Variants in RERE observed in about 807,000 individuals in gnomAD.
RERE encodes arginine-glutamic acid dipeptide repeats protein.
Under a neutral mutation model 146.1 loss-of-function variants are expected in RERE, and 40 were observed. The ratio of observed to expected loss-of-function variants is 0.27; its 90% CI spans 0.21 to 0.36. The LOEUF (loss-of-function observed/expected upper bound fraction) is 0.36, where lower values mean the gene tolerates loss of function less well. Among genes scored for constraint, RERE ranks in the 10% least tolerant of loss-of-function variants. RERE has a pLI of 1.00. For synonymous variants in RERE, 1,003 were observed against 866.0 expected (o/e 1.16, Z -2.78); for missense variants, 1,933 against 2,138.7 (o/e 0.90, Z 1.90).
intron 12 of RERE, among the ~76,000 whole-genome samples, chr1:8,367,147 G>A (rs1436515164): frequency 2.0e-5 from 3 of 152,152 alleles, no homozygotes; most frequent in Admixed American, 6.5e-5. Context: ...AGAGGGGGAT[G>A]GAAAGACTAG....
chr1:8,684,949 C>T (rs548058506), intron 1 of RERE, among the ~76,000 whole-genome samples: 1 of 152,290 alleles, frequency 6.6e-6, no homozygotes, highest in Non-Finnish European at 1.5e-5. Context: ...CCTCAACCTC[C>T]TGGGCTCAAG....
chr1:8,514,497 A>T (rs1645385521), intron 7 of RERE, among the ~76,000 whole-genome samples: 1 of 152,194 alleles, frequency 6.6e-6, no homozygotes, highest in African/African-American at 2.4e-5. Flanking sequence ...TGGGAGGCCG[A>T]GGCAGGTGGA....
At chr1:8,751,270 T>C (rs1640529375) in intron 1 of RERE, among the ~76,000 whole-genome samples, 1 of 152,166 alleles carries the variant, frequency 6.6e-6, no homozygotes, top group South Asian at 2.1e-4. Flanking sequence ...GCCCTGCTAC[T>C]GGAAAAAACA....
chr1:8,817,614 A>G lies in RERE; in HGVS notation c.-599T>C, dbSNP rs1251031589. On this transcript the variant is annotated 5_prime_UTR_variant, in exon 1 of 23. Coordinates refer to ENST00000400908, the MANE Select transcript of RERE (RefSeq NM_001042681.2). ...GTGCGGGAGGCTGAGGAGGCTCCGG[A>G]GCGCGGAGGGTTGCTCGCGAGCGTC... The G allele has an allele frequency of 2.0e-5, 3 of 150,676 alleles. No individual in the cohort carries two copies. Among genetic ancestry groups the G allele is most frequent in the Non-Finnish European group, 3.0e-5 (2 of 67,630 alleles). 9.3% of individuals were successfully genotyped at this position (150,676 alleles called of 1,614,324 possible). A position where few individuals can be genotyped will look rare whatever the true frequency, so the allele number is the denominator to read the frequency against.
chr1:8,815,077 T>C (rs1641885261), intron 1 of RERE, among the ~76,000 whole-genome samples: 1 of 152,164 alleles, frequency 6.6e-6, no homozygotes, highest in South Asian at 2.1e-4. Context: ...AATTAACCAG[T>C]AGAAGGTGCT....
chr1:8,418,485 C>T (rs887142320), intron 12 of RERE, among the ~76,000 whole-genome samples: 31 of 152,286 alleles, frequency 2.0e-4, no homozygotes, highest in Middle Eastern at 6.8e-3. Flanking sequence ...AGACAAGCAA[C>T]GGCAGGTCAC....
In RERE at chr1:8,563,994, C is replaced by T. The variant is rs576309114; in HGVS notation, c.523-6471G>A. Among the ~76,000 whole-genome samples the T allele has an allele frequency of 1.8e-4, 28 of 152,332 alleles. No individual in the cohort carries two copies. The South Asian group carries it at 5.6e-3, about 30-fold the overall frequency. On this transcript the variant is annotated intron_variant, in intron 4 of 22. Coordinates refer to ENST00000400908, the MANE Select transcript of RERE (RefSeq NM_001042681.2). ...GGAACACCGTCTCCCAGAGACATCA[C>T]TATCTCCCTTCAAGTGTGCTCACCA...
At chr1:8,554,999 TA>T (rs1181059614) in intron 6 of RERE, among the ~76,000 whole-genome samples, 2 of 152,230 alleles carry the variant, frequency 1.3e-5, no homozygotes, top group Non-Finnish European at 2.9e-5. Flanking sequence ...AAGCCAATCT[TA>T]AAAGTCACAC....
At chr1:8,746,387 G>A (rs1293746481) in intron 1 of RERE, among the ~76,000 whole-genome samples, 2 of 152,022 alleles carry the variant, frequency 1.3e-5, no homozygotes, top group African/African-American at 2.4e-5. Context: ...TGGCCACCAT[G>A]ACTTGTTCAA....
intron 10 of RERE, among the ~76,000 whole-genome samples, chr1:8,482,559 G>A (rs2124185925): frequency 1.3e-5 from 2 of 151,920 alleles, no homozygotes; most frequent in Middle Eastern, 6.8e-3. Context: ...GCAGGTGCCT[G>A]TAGTCCCAGC....
At chr1:8,673,599 G>A (rs1029112885) in intron 1 of RERE, among the ~76,000 whole-genome samples, 2 of 152,098 alleles carry the variant, frequency 1.3e-5, no homozygotes, top group Non-Finnish European at 1.5e-5. Context: ...CCCCTCTAAA[G>A]CAAGCATCTG....
At chr1:8,413,249 AT>A (rs1344617747) in intron 12 of RERE, among the ~76,000 whole-genome samples, 2 of 152,252 alleles carry the variant, frequency 1.3e-5, no homozygotes, top group African/African-American at 4.8e-5. Flanking sequence ...AAATACATAT[AT>A]GCATTCATGC....
chr1:8,754,533 A>T (rs1028242819), intron 1 of RERE, among the ~76,000 whole-genome samples: 1 of 152,198 alleles, frequency 6.6e-6, no homozygotes, highest in African/African-American at 2.4e-5. Flanking sequence ...CTTTTCTAGG[A>T]AAGAATGAGG....
At chr1:8,718,726 G>C (rs139947213) in intron 1 of RERE, among the ~76,000 whole-genome samples, 113 of 152,344 alleles carry the variant, frequency 7.4e-4, no homozygotes, top group African/African-American at 2.6e-3. Context: ...TCTGGAGTCA[G>C]ATGGCCAGGG....
intron 1 of RERE, among the ~76,000 whole-genome samples, chr1:8,692,419 C>G (rs1639226855): frequency 6.6e-6 from 1 of 151,368 alleles, no homozygotes; most frequent in Non-Finnish European, 1.5e-5. Context: ...GTGATCTCAG[C>G]TCACTGCAAC....
intron 12 of RERE, among the ~76,000 whole-genome samples, chr1:8,385,171 A>G (rs1642593287): frequency 6.6e-6 from 1 of 152,242 alleles, no homozygotes; most frequent in African/African-American, 2.4e-5. Flanking sequence ...TTCTAATTGT[A>G]TCTTAGAATT....
At chr1:8,618,700 A>G (rs1053055252) in intron 3 of RERE, among the ~76,000 whole-genome samples, 4 of 152,230 alleles carry the variant, frequency 2.6e-5, no homozygotes, top group African/African-American at 9.6e-5. Flanking sequence ...TGTGTGCACA[A>G]AGAGTATGTG....
chr1:8,439,903 T>C (rs1644223725), intron 11 of RERE, among the ~76,000 whole-genome samples: 1 of 151,872 alleles, frequency 6.6e-6, no homozygotes, highest in Non-Finnish European at 1.5e-5. Context: ...TGAAACCCCG[T>C]CTACACTAAA....
intron 7 of RERE, among the ~76,000 whole-genome samples, chr1:8,529,287 C>CT (rs34547801): frequency 0.017 from 1,783 of 102,372 alleles, 45 homozygotes; most frequent in South Asian, 0.041. Context: ...GTTCTCCCTT[C>CT]TTTTTTTTTT....
Sources: allele counts gnomAD v4.1 joint callset (sites outside exome capture counted in the v4.1 genomes callset), GRCh38; gene constraint gnomAD v4.1.1; transcripts MANE v1.5; gene names NCBI Gene and HGNC (gene_info 2026-07-23, HGNC 2026-07-21).